FLRT2: variants seen among roughly 807,000 people sequenced by gnomAD.
FLRT2 encodes the protein fibronectin leucine rich transmembrane protein 2.
Under a neutral mutation model 40.0 loss-of-function variants are expected in FLRT2, and 15 were observed. The ratio of observed to expected loss-of-function variants is 0.38; its 90% CI spans 0.25 to 0.58. FLRT2 has a LOEUF of 0.58. Among genes scored for constraint, FLRT2 ranks in the 20% least tolerant of loss-of-function variants. The pLI, the probability that FLRT2 is intolerant of heterozygous loss-of-function variation, is 0.71. For synonymous variants in FLRT2, 380 were observed against 336.8 expected (o/e 1.13, Z -1.41); for missense variants, 726 against 840.0 (o/e 0.86, Z 1.68).
At position 85,646,559 on chromosome 14, in the gene FLRT2, A is replaced by C. The variant is rs1894310264; in HGVS notation, c.*23062A>C. ...ACCATAGTACTTGAATCTTGAGTTC[A>C]GAATCAGATATTCTTCCTCCTTGGC... On this transcript the variant is annotated 3_prime_UTR_variant, in exon 2 of 2. Transcript: ENST00000330753. 1 of 152,184 alleles carries C rather than the reference A, an allele frequency of 6.6e-6. No individual in the cohort carries two copies. Among genetic ancestry groups the C allele is most frequent in the Admixed American group, 6.6e-5 (1 of 15,254 alleles). The allele number at this position is 152,184 out of a possible 1,614,324, so 9.4% of individuals were successfully genotyped here. A position where few individuals can be genotyped will look rare whatever the true frequency, so the allele number is the denominator to read the frequency against.
At position 85,652,484 on chromosome 14, in the gene FLRT2, A is replaced by ATT. The variant is rs1261846735; in HGVS notation, c.*28993_*28994dup. ...GCCATAGGAAAATTCTTTTTTGAGA[A>ATT]TTTTTTTCTTATAACGTTCTTCATC... is the stretch of plus-strand genomic sequence containing the variant. On this transcript the variant is annotated 3_prime_UTR_variant, in exon 2 of 2. Coordinates refer to ENST00000330753, the MANE Select transcript of FLRT2 (RefSeq NM_013231.6). 1 of 151,968 alleles carries ATT rather than the reference A, an allele frequency of 6.6e-6. No homozygotes were observed. The highest frequency in any genetic ancestry group is 1.5e-5 in the Non-Finnish European group (1 of 67,984). The allele number at this position is 151,968 out of a possible 1,614,324, so 9.4% of individuals were successfully genotyped here.
rs1408297776 is a variant in FLRT2, at chr14:85,625,283, A to C, written c.*1786A>C. ...CATTATTATAGGGACCCATGAAGTA[A>C]ATGTCACAATCATCTTACTAGCTCT... is the stretch of plus-strand genomic sequence containing the variant. On this transcript the variant is annotated 3_prime_UTR_variant, in exon 2 of 2. Transcript: ENST00000330753. The C allele has an allele frequency of 6.0e-6, 1 of 167,088 alleles. No homozygotes were observed. Among genetic ancestry groups the C allele is most frequent in the Non-Finnish European group, 1.5e-5 (1 of 68,124 alleles). 10.4% of individuals were successfully genotyped at this position (167,088 alleles called of 1,614,324 possible). A position where few individuals can be genotyped will look rare whatever the true frequency, so the allele number is the denominator to read the frequency against.
intron 1 of FLRT2, among the ~76,000 whole-genome samples, chr14:85,587,591 T>TAA (rs1891681268): frequency 2.0e-5 from 3 of 151,962 alleles, no homozygotes; most frequent in African/African-American, 7.3e-5. Context: ...TTTTTTTTTC[T>TAA]AAGTGAACAC....
chr14:85,579,890 G>A (rs1891306723), intron 1 of FLRT2, among the ~76,000 whole-genome samples: 1 of 149,872 alleles, frequency 6.7e-6, no homozygotes, highest in African/African-American at 2.5e-5. Context: ...TCTAGATTGG[G>A]TCAGGGGTGG....
intron 1 of FLRT2, among the ~76,000 whole-genome samples, chr14:85,561,536 A>C (rs8008374): frequency 0.29 from 44,039 of 152,104 alleles, 6,973 homozygotes; most frequent in Middle Eastern, 0.41. Flanking sequence ...TAGGTTATGA[A>C]TTGTACAGAA....
At chr14:85,538,151 T>C (rs1367773525) in intron 1 of FLRT2, among the ~76,000 whole-genome samples, 1 of 152,166 alleles carries the variant, frequency 6.6e-6, no homozygotes, top group Non-Finnish European at 1.5e-5. Flanking sequence ...CTTAATTTAA[T>C]GTAGGATGTG....
chr14:85,605,629 G>A (rs933470877), intron 1 of FLRT2, among the ~76,000 whole-genome samples: 3 of 152,062 alleles, frequency 2.0e-5, no homozygotes, highest in African/African-American at 7.2e-5. Flanking sequence ...AATTAGCTGG[G>A]CGTGGTGGCG....
intron 1 of FLRT2, among the ~76,000 whole-genome samples, chr14:85,540,630 C>T (rs572491037): frequency 3.3e-5 from 5 of 152,082 alleles, no homozygotes; most frequent in African/African-American, 4.8e-5. Flanking sequence ...GTATTTCTTT[C>T]GGTGATTTGA....
At position 85,623,820 on chromosome 14, in the gene FLRT2, A is replaced by C. The variant is rs1157067836; in HGVS notation, c.*323A>C. ...AAAGAACGAGTGATTTTTCCTTAGG[A>C]TACACATCAACCACTTTGCTGTTGA... On this transcript the variant is annotated 3_prime_UTR_variant, in exon 2 of 2. Transcript: ENST00000330753. 1 of 235,474 alleles carries C rather than the reference A, an allele frequency of 4.2e-6. No individual in the cohort carries two copies. The highest frequency in any genetic ancestry group is 8.8e-6 in the Non-Finnish European group (1 of 114,120). 14.6% of individuals were successfully genotyped at this position (235,474 alleles called of 1,614,324 possible).
intron 1 of FLRT2, among the ~76,000 whole-genome samples, chr14:85,601,011 G>A (rs1892357426): frequency 1.3e-5 from 2 of 152,178 alleles, no homozygotes; most frequent in Non-Finnish European, 2.9e-5. Context: ...AAATAAATAA[G>A]CCATTGGAAG....
chr14:85,606,802 T>G (rs2747001), intron 1 of FLRT2, among the ~76,000 whole-genome samples: 123,221 of 150,510 alleles, frequency 0.82, 50,637 homozygotes, highest in East Asian at 0.93. Flanking sequence ...GGATTACAGC[T>G]TGAGCCACCG....
chr14:85,621,413 G>A lies in FLRT2; in HGVS notation c.-102G>A. ...GGACGTTCCCTCTAGCTGGAGTTCT[G>A]GACTTCAACAGAACCCCATCCAGTC... On this transcript the variant is annotated 5_prime_UTR_variant, in exon 2 of 2. Coordinates refer to ENST00000330753, the MANE Select transcript of FLRT2 (RefSeq NM_013231.6). 9.1e-7 allele frequency: 1 copy of A among 1,100,606 alleles called. No individual in the cohort carries two copies. The highest frequency in any genetic ancestry group is 1.3e-6 in the Non-Finnish European group (1 of 782,750). The allele number at this position is 1,100,606 out of a possible 1,614,324, so 68.2% of individuals were successfully genotyped here.
chr14:85,563,103 G>A (rs1890446558), intron 1 of FLRT2: 1 of 151,456 alleles, frequency 6.6e-6, no homozygotes, highest in South Asian at 2.1e-4. Flanking sequence ...GCATCTGTTG[G>A]ACCTCCACTC....
chr14:85,592,447 T>G (rs1891933468), intron 1 of FLRT2, among the ~76,000 whole-genome samples: 1 of 151,778 alleles, frequency 6.6e-6, no homozygotes, highest in Non-Finnish European at 1.5e-5. Flanking sequence ...TAAGAACAAA[T>G]GGGGTCTGGA....
rs952314046 is a variant in FLRT2, at chr14:85,651,689, C to T, written c.*28192C>T. On this transcript the variant is annotated 3_prime_UTR_variant, in exon 2 of 2. Transcript: ENST00000330753. ...AGACTTTTATTTTGGCTGATATTTTCGTTACTTTTTTCTTATTTTTATCCT... is the reference window on the plus strand; with the variant it reads ...AGACTTTTATTTTGGCTGATATTTTTGTTACTTTTTTCTTATTTTTATCCT... The T allele has an allele frequency of 5.9e-5, 9 of 151,832 alleles. No homozygotes were observed. Among genetic ancestry groups the T allele is most frequent in the Middle Eastern group, 3.2e-3 (1 of 316 alleles). 9.4% of individuals were successfully genotyped at this position (151,832 alleles called of 1,614,324 possible).
chr14:85,601,499 C>A (rs1406976847), intron 1 of FLRT2, among the ~76,000 whole-genome samples: 2 of 152,162 alleles, frequency 1.3e-5, no homozygotes, highest in Non-Finnish European at 2.9e-5. Context: ...TGGTGAATGG[C>A]AAGCTGCAAT....
chr14:85,632,249 A>T lies in FLRT2; in HGVS notation c.*8752A>T, dbSNP rs565919153. The T allele has an allele frequency of 6.6e-6, 1 of 152,198 alleles. No homozygotes were observed. Among genetic ancestry groups the T allele is most frequent in the Admixed American group, 6.5e-5 (1 of 15,280 alleles). 9.4% of individuals were successfully genotyped at this position (152,198 alleles called of 1,614,324 possible). On this transcript the variant is annotated 3_prime_UTR_variant, in exon 2 of 2. Coordinates refer to ENST00000330753, the MANE Select transcript of FLRT2 (RefSeq NM_013231.6). ...CACTTTGGGAGGCCGAGGTGGGCAG[A>T]TCACGAGGTCAAGAAATCAAGACCA...
intron 1 of FLRT2, among the ~76,000 whole-genome samples, chr14:85,581,366 TA>T (rs551435730): frequency 1.2e-3 from 190 of 152,328 alleles, no homozygotes; most frequent in Non-Finnish European, 2.0e-3. Flanking sequence ...GGATACCACT[TA>T]CCCCCAGAGA....
At chr14:85,573,109 T>A (rs1890968377) in intron 1 of FLRT2, among the ~76,000 whole-genome samples, 1 of 152,154 alleles carries the variant, frequency 6.6e-6, no homozygotes, top group African/African-American at 2.4e-5. Flanking sequence ...GCAACCCAGA[T>A]TTGTCTATCA....
Sources: allele counts gnomAD v4.1 joint callset (sites outside exome capture counted in the v4.1 genomes callset), GRCh38; gene constraint gnomAD v4.1.1; transcripts MANE v1.5; gene names NCBI Gene and HGNC (gene_info 2026-07-23, HGNC 2026-07-21).